The following CAMTA1 variants were observed in gnomAD, a reference collection of about 807,000 sequenced individuals.
The protein encoded by CAMTA1 is calmodulin-binding transcription activator 1.
In CAMTA1, 27 loss-of-function variants were observed where a neutral mutation model predicts 170.9. The observed-to-expected ratio is 0.16, with a 90% CI of 0.12 to 0.22. CAMTA1 has a LOEUF of 0.22. Ranked by LOEUF, CAMTA1 falls within the 10% of genes least tolerant of loss-of-function variation. The pLI, the probability that CAMTA1 is intolerant of heterozygous loss-of-function variation, is 1.00. For missense variants in CAMTA1, 1,619 were observed against 2,217.2 expected, an observed-to-expected ratio of 0.73 and a Z score of 5.42; for synonymous variants, 833 against 891.5, an observed-to-expected ratio of 0.93 and a Z score of 1.17.
intron 7 of CAMTA1, among the ~76,000 whole-genome samples, chr1:7,647,145 G>T (rs956862655): frequency 1.3e-5 from 2 of 152,170 alleles, no homozygotes; most frequent in Non-Finnish European, 2.9e-5. Context: ...CAGAGCCCAG[G>T]ATCCCCAGAC....
In CAMTA1 at chr1:6,909,789, T is replaced by C. The variant is rs530940780; in HGVS notation, c.234+84579T>C. On this transcript the variant is annotated intron_variant, in intron 3 of 22. Coordinates refer to ENST00000303635, the MANE Select transcript of CAMTA1 (RefSeq NM_015215.4). Reference sequence around the variant, plus strand: ...ATTAATCTGTGTGCACAAAAAGACTTGGGGAAAAGACTCCTGAGTGAACTT... The same window carrying C: ...ATTAATCTGTGTGCACAAAAAGACTCGGGGAAAAGACTCCTGAGTGAACTT... Among the ~76,000 whole-genome samples the C allele has an allele frequency of 2.6e-5, 4 of 152,330 alleles. No homozygotes were observed. The East Asian group carries it at 7.7e-4, about 29-fold the overall frequency.
intron 3 of CAMTA1, among the ~76,000 whole-genome samples, chr1:6,948,169 G>T (rs1308697010): frequency 6.6e-6 from 1 of 152,186 alleles, no homozygotes; most frequent in East Asian, 1.9e-4. Context: ...TAAGTAAGTT[G>T]CCCAAGGGTG....
intron 3 of CAMTA1, among the ~76,000 whole-genome samples, chr1:6,938,114 T>A (rs1480710516): frequency 1.3e-5 from 2 of 152,220 alleles, no homozygotes; most frequent in Non-Finnish European, 2.9e-5. Context: ...CCTTTTTATT[T>A]AGGGGCTTTA....
intron 5 of CAMTA1, among the ~76,000 whole-genome samples, chr1:7,263,602 G>T (rs943357792): frequency 5.5e-4 from 84 of 152,168 alleles, no homozygotes; most frequent in African/African-American, 1.9e-3. Flanking sequence ...CTGGTATTGA[G>T]TGCATAACCC....
At chr1:7,513,854 A>G (rs1344426172) in intron 6 of CAMTA1, among the ~76,000 whole-genome samples, 2 of 152,174 alleles carry the variant, frequency 1.3e-5, no homozygotes, top group Non-Finnish European at 2.9e-5. Context: ...CCTGGGAGGC[A>G]GAGGTTGCAG....
At chr1:7,395,117 G>C (rs535244893) in intron 5 of CAMTA1, among the ~76,000 whole-genome samples, 1 of 151,960 alleles carries the variant, frequency 6.6e-6, no homozygotes, top group East Asian at 1.9e-4. Flanking sequence ...TCCTGACCTC[G>C]GGTGATCCAC....
intron 3 of CAMTA1, among the ~76,000 whole-genome samples, chr1:6,931,583 C>A (rs566247032): frequency 6.6e-6 from 1 of 152,230 alleles, no homozygotes; most frequent in East Asian, 1.9e-4. Flanking sequence ...CAAGTTCTGC[C>A]CAACGAACTA....
intron 4 of CAMTA1, among the ~76,000 whole-genome samples, chr1:7,100,510 T>C (rs1642591171): frequency 6.6e-6 from 1 of 152,204 alleles, no homozygotes; most frequent in African/African-American, 2.4e-5. Context: ...CTCTTGCTTT[T>C]TTCTCTTTTT....
At chr1:7,016,441 CA>C (rs1443095118) in intron 3 of CAMTA1, among the ~76,000 whole-genome samples, 2 of 152,170 alleles carry the variant, frequency 1.3e-5, no homozygotes, top group African/African-American at 4.8e-5. Context: ...ATGAATGGAC[CA>C]CAATGGGTAA....
chr1:6,915,135 C>T (rs1680515433), intron 3 of CAMTA1, among the ~76,000 whole-genome samples: 1 of 152,182 alleles, frequency 6.6e-6, no homozygotes, highest in Non-Finnish European at 1.5e-5. Flanking sequence ...AGAAAAGCCA[C>T]TTTAATGGAA....
intron 3 of CAMTA1, among the ~76,000 whole-genome samples, chr1:7,081,774 GC>G (rs371481303): frequency 8.1e-4 from 124 of 152,330 alleles, no homozygotes; most frequent in African/African-American, 2.8e-3. Flanking sequence ...CAGCATGTGG[GC>G]CTGGGGTTGC....
chr1:7,594,238 G>GAAGGAAGGAAGA (rs1336561513), intron 6 of CAMTA1, among the ~76,000 whole-genome samples: 6 of 147,972 alleles, frequency 4.1e-5, no homozygotes, highest in Non-Finnish European at 7.4e-5. Flanking sequence ...AGGAAGGAAG[G>GAAGGAAGGAAGA]AAGAAAGAAA....
intron 3 of CAMTA1, among the ~76,000 whole-genome samples, chr1:6,856,267 T>A (rs1022584559): frequency 6.7e-6 from 1 of 149,744 alleles, no homozygotes; most frequent in Non-Finnish European, 1.5e-5. Flanking sequence ...ATGGCCAAGA[T>A]GGAACCAGTG....
intron 4 of CAMTA1, among the ~76,000 whole-genome samples, chr1:7,179,055 G>A (rs983480823): frequency 4.6e-5 from 7 of 152,182 alleles, no homozygotes; most frequent in Non-Finnish European, 8.8e-5. Context: ...ACATCCCAGG[G>A]TGTCTTCATG....
intron 3 of CAMTA1, among the ~76,000 whole-genome samples, chr1:6,838,884 A>G (rs999090835): frequency 6.6e-6 from 1 of 151,996 alleles, no homozygotes; most frequent in Non-Finnish European, 1.5e-5. Flanking sequence ...AGCCTCCTGA[A>G]TGGTTAGGAC....
intron 12 of CAMTA1, among the ~76,000 whole-genome samples, chr1:7,733,095 A>C (rs1436351927): frequency 1.3e-5 from 2 of 152,024 alleles, no homozygotes; most frequent in Admixed American, 1.3e-4. Flanking sequence ...CCAGCTACTC[A>C]GGAGGCTGAA....
chr1:7,637,541 C>A (rs992261591), intron 6 of CAMTA1, among the ~76,000 whole-genome samples: 3 of 152,118 alleles, frequency 2.0e-5, no homozygotes, highest in African/African-American at 7.2e-5. Flanking sequence ...GTTACCCCCT[C>A]CATGCAAAGG....
At chr1:6,932,126 A>T (rs1165708070) in intron 3 of CAMTA1, among the ~76,000 whole-genome samples, 10 of 152,208 alleles carry the variant, frequency 6.6e-5, no homozygotes, top group Admixed American at 4.6e-4. Context: ...CAAGATAATG[A>T]ACGTACCCAT....
intron 6 of CAMTA1, among the ~76,000 whole-genome samples, chr1:7,487,058 C>G (rs1455741534): frequency 6.6e-6 from 1 of 152,196 alleles, no homozygotes; most frequent in Non-Finnish European, 1.5e-5. Context: ...AAGCACTTAG[C>G]GTGATACACG....
Sources: allele counts gnomAD v4.1 joint callset (sites outside exome capture counted in the v4.1 genomes callset), GRCh38; gene constraint gnomAD v4.1.1; transcripts MANE v1.5; gene names NCBI Gene and HGNC (gene_info 2026-07-23, HGNC 2026-07-21).